ANO3: variants seen among roughly 807,000 people sequenced by gnomAD.
ANO3 encodes the protein anoctamin-3.
A neutral mutation model predicts 144.8 loss-of-function variants in ANO3; 99 were observed. That is an observed-to-expected ratio of 0.68 (90% CI 0.58 to 0.81). The LOEUF is 0.81. ANO3 is among the 30% of genes least tolerant of loss of function. ANO3 has a pLI of 0.00. For missense variants in ANO3, 905 were observed against 1,202.2 expected (o/e 0.75, Z 3.66); for synonymous variants, 414 against 392.6 (o/e 1.05, Z -0.64).
intron 1 of ANO3, among the ~76,000 whole-genome samples, chr11:26,414,825 A>AT (rs368260849): frequency 5.3e-5 from 8 of 151,014 alleles, no homozygotes; most frequent in Admixed American, 1.3e-4. Context: ...TTGATTTGAG[A>AT]TTTTTTTTGT....
intron 1 of ANO3, among the ~76,000 whole-genome samples, chr11:26,396,943 A>G (rs1459388242): frequency 6.8e-6 from 1 of 146,468 alleles, no homozygotes; most frequent in Non-Finnish European, 1.5e-5. Context: ...AAGGTATAAT[A>G]ATAAAAAAAT....
chr11:26,526,191 T>A (rs1276445885), intron 7 of ANO3, among the ~76,000 whole-genome samples: 2 of 152,120 alleles, frequency 1.3e-5, no homozygotes, highest in African/African-American at 4.8e-5. Context: ...TATCCTAGTA[T>A]TGAAAACGAA....
At chr11:26,276,130 C>T (rs907105819) in intron 1 of ANO3, among the ~76,000 whole-genome samples, 2 of 152,138 alleles carry the variant, frequency 1.3e-5, no homozygotes, top group African/African-American at 4.8e-5. Context: ...CCCTTGGCTG[C>T]ACTTTGGAGC....
At chr11:26,485,333 A>G (rs143469500) in intron 4 of ANO3, among the ~76,000 whole-genome samples, 1 of 152,048 alleles carries the variant, frequency 6.6e-6, no homozygotes, top group African/African-American at 2.4e-5. Flanking sequence ...TGCTGTTTTC[A>G]TGTTAATGAG....
At chr11:26,483,520 G>A (rs898388779) in intron 4 of ANO3, among the ~76,000 whole-genome samples, 1 of 151,954 alleles carries the variant, frequency 6.6e-6, no homozygotes, top group Admixed American at 6.6e-5. Context: ...CTCCTGCTCT[G>A]GCCATGTAAG....
chr11:26,618,966 C>G (rs945489166), intron 17 of ANO3, among the ~76,000 whole-genome samples: 2 of 152,124 alleles, frequency 1.3e-5, no homozygotes, highest in African/African-American at 4.8e-5. Flanking sequence ...TTCCTCCAAT[C>G]AGATTCTTCT....
At chr11:26,641,419 AT>A (rs879502253) in intron 21 of ANO3, among the ~76,000 whole-genome samples, 6 of 152,118 alleles carry the variant, frequency 3.9e-5, no homozygotes, top group Non-Finnish European at 7.3e-5. Flanking sequence ...GTGAAACATG[AT>A]TTTTTTCCTG....
chr11:26,452,101 A>T (rs1012747268), intron 3 of ANO3, among the ~76,000 whole-genome samples: 3 of 152,174 alleles, frequency 2.0e-5, no homozygotes, highest in African/African-American at 7.2e-5. Context: ...ATCATCAAAG[A>T]CCAAAAGTAG....
At chr11:26,310,375 G>A (rs541259998) in intron 1 of ANO3, among the ~76,000 whole-genome samples, 11 of 152,196 alleles carry the variant, frequency 7.2e-5, no homozygotes, top group African/African-American at 2.2e-4. Context: ...AAGGTTAGAC[G>A]GAGAATAGAT....
At chr11:26,644,188 G>T (rs1853265772) in intron 23 of ANO3, among the ~76,000 whole-genome samples, 1 of 152,076 alleles carries the variant, frequency 6.6e-6, no homozygotes, top group African/African-American at 2.4e-5. Flanking sequence ...ATAATAAAAG[G>T]AACATTAATT....
intron 14 of ANO3, among the ~76,000 whole-genome samples, chr11:26,574,003 C>G (rs941485895): frequency 1.3e-5 from 2 of 152,114 alleles, no homozygotes; most frequent in African/African-American, 2.4e-5. Flanking sequence ...TAGGTAAGAC[C>G]AATCCCACTT....
At chr11:26,244,920 T>C (rs2133814177) in intron 1 of ANO3, among the ~76,000 whole-genome samples, 1 of 152,028 alleles carries the variant, frequency 6.6e-6, no homozygotes, top group Non-Finnish European at 1.5e-5. Flanking sequence ...CATATTGCAT[T>C]CACTGTCAGG....
intron 1 of ANO3, among the ~76,000 whole-genome samples, chr11:26,402,575 G>C (rs1459485684): frequency 1.3e-5 from 2 of 151,826 alleles, no homozygotes; most frequent in Non-Finnish European, 2.9e-5. Context: ...CCATTCTGTA[G>C]ATTGCCATTA....
At chr11:26,199,381 T>G (rs1455635152) in intron 1 of ANO3, among the ~76,000 whole-genome samples, 1 of 152,164 alleles carries the variant, frequency 6.6e-6, no homozygotes, top group African/African-American at 2.4e-5. Flanking sequence ...TGCTTAATCT[T>G]GGGCTGTTTA....
At chr11:26,601,341 C>G (rs1258917327) in intron 17 of ANO3, among the ~76,000 whole-genome samples, 2 of 152,074 alleles carry the variant, frequency 1.3e-5, no homozygotes, top group African/African-American at 4.8e-5. Context: ...CAGAGAAGAT[C>G]TTAAGAGAAA....
intron 1 of ANO3, among the ~76,000 whole-genome samples, chr11:26,214,510 C>T (rs1482557227): frequency 1.3e-5 from 2 of 151,878 alleles, no homozygotes; most frequent in African/African-American, 4.8e-5. Flanking sequence ...AATTCAGATC[C>T]CCAATATCAG....
chr11:26,199,052 T>C (rs1006865111), intron 1 of ANO3, among the ~76,000 whole-genome samples: 8 of 152,090 alleles, frequency 5.3e-5, no homozygotes, highest in African/African-American at 1.9e-4. Context: ...TTAATAGCAT[T>C]GGCCAGTAGC....
intron 1 of ANO3, among the ~76,000 whole-genome samples, chr11:26,193,040 G>T (rs1022185854): frequency 6.6e-6 from 1 of 151,230 alleles, no homozygotes; most frequent in Non-Finnish European, 1.5e-5. Flanking sequence ...TTTAAGCCCC[G>T]CATGCATTAG....
chr11:26,388,877 A>G (rs1010862120), intron 1 of ANO3, among the ~76,000 whole-genome samples: 1 of 152,126 alleles, frequency 6.6e-6, no homozygotes, highest in African/African-American at 2.4e-5. Context: ...AAATCCCTGT[A>G]CACACGTTTA....
Sources: gnomAD v4.1 joint callset for allele counts (sites outside exome capture counted in the v4.1 genomes callset) on GRCh38, gnomAD v4.1.1 for gene constraint, MANE v1.5 for transcripts, NCBI Gene and HGNC (gene_info 2026-07-23, HGNC 2026-07-21) for gene names.